CSMD2: variants seen among roughly 807,000 people sequenced by gnomAD.
CSMD2 encodes the protein CUB and sushi domain-containing protein 2.
CSMD2 carries 130 observed loss-of-function variants against 398.5 expected under a neutral mutation model. The ratio of observed to expected loss-of-function variants is 0.33; its 90% CI spans 0.28 to 0.38. The LOEUF is 0.38. CSMD2 is among the 10% of genes least tolerant of loss of function. The probability of loss-of-function intolerance (pLI) is 1.00; values close to 1 mark genes in which losing one functional copy is unlikely to be tolerated. For missense variants in CSMD2, 3,829 were observed against 4,764.9 expected, an observed-to-expected ratio of 0.80 and a Z score of 5.78; for synonymous variants, 1,828 against 1,908.5, an observed-to-expected ratio of 0.96 and a Z score of 1.10.
At chr1:33,844,314 T>C (rs1215119932) in intron 6 of CSMD2, among the ~76,000 whole-genome samples, 1 of 152,026 alleles carries the variant, frequency 6.6e-6, no homozygotes, top group African/African-American at 2.4e-5. Context: ...TGGCTGCTGG[T>C]CCCTGTGGCT....
intron 22 of CSMD2, among the ~76,000 whole-genome samples, chr1:33,704,163 T>C (rs1179576832): frequency 1.3e-5 from 2 of 152,242 alleles, no homozygotes; most frequent in Admixed American, 6.5e-5. Context: ...TCCCTCCTGA[T>C]TGCAAGTTTT....
intron 3 of CSMD2, among the ~76,000 whole-genome samples, chr1:34,021,554 C>T (rs1042596636): frequency 1.3e-5 from 2 of 152,316 alleles, no homozygotes; most frequent in East Asian, 1.9e-4. Flanking sequence ...CTCTGGGCCC[C>T]CCTGCCTTGA....
chr1:33,765,847 C>T (rs1650418517), intron 13 of CSMD2, among the ~76,000 whole-genome samples: 1 of 152,216 alleles, frequency 6.6e-6, no homozygotes, highest in African/African-American at 2.4e-5. Flanking sequence ...ACCTCAGTAG[C>T]CACATGTCAG....
At chr1:34,081,093 G>C (rs7551631) in intron 2 of CSMD2, among the ~76,000 whole-genome samples, 7 of 151,854 alleles carry the variant, frequency 4.6e-5, no homozygotes, top group Non-Finnish European at 1.0e-4. Flanking sequence ...TCAATAAAAT[G>C]GGTGATTTTA....
intron 3 of CSMD2, among the ~76,000 whole-genome samples, chr1:33,954,220 C>T (rs769064478): frequency 7.9e-5 from 12 of 152,016 alleles, no homozygotes; most frequent in Non-Finnish European, 1.5e-4. Flanking sequence ...AAACGAAGAC[C>T]GCAGAAATGA....
At chr1:33,843,434 C>A (rs6667890) in intron 6 of CSMD2, among the ~76,000 whole-genome samples, 7,258 of 152,220 alleles carry the variant, frequency 0.048, 528 homozygotes, top group African/African-American at 0.16. Flanking sequence ...GGGAAAAAAT[C>A]TCTGTCAATA....
chr1:33,650,210 GGGA>G (rs1643679799), intron 28 of CSMD2, among the ~76,000 whole-genome samples: 1 of 152,174 alleles, frequency 6.6e-6, no homozygotes, highest in African/African-American at 2.4e-5. Flanking sequence ...CAAGGACATG[GGGA>G]CATGTAAGAC....
intron 12 of CSMD2, among the ~76,000 whole-genome samples, chr1:33,780,246 G>C (rs1311036210): frequency 6.6e-6 from 1 of 152,162 alleles, no homozygotes; most frequent in African/African-American, 2.4e-5. Context: ...TGAGTGACCA[G>C]GACATCTTCG....
intron 40 of CSMD2, 32 bp from the exon 41 acceptor site, chr1:33,611,282 A>G (rs1640987369): frequency 2.5e-6 from 4 of 1,575,056 alleles, no homozygotes; most frequent in South Asian, 2.2e-5. Context: ...ACAGTGCCCA[A>G]AGCAACACAG....
At chr1:33,967,746 A>G (rs1243967915) in intron 3 of CSMD2, among the ~76,000 whole-genome samples, 1 of 152,230 alleles carries the variant, frequency 6.6e-6, no homozygotes, top group Non-Finnish European at 1.5e-5. Context: ...GTCTCTGAGA[A>G]GAGCCCAGAT....
intron 1 of CSMD2, among the ~76,000 whole-genome samples, chr1:34,135,718 C>T (rs182461111): frequency 6.7e-5 from 10 of 149,572 alleles, no homozygotes; most frequent in Admixed American, 2.7e-4. Context: ...AATCTATGTA[C>T]ACCTACCCAG....
intron 1 of CSMD2, among the ~76,000 whole-genome samples, chr1:34,095,932 C>T (rs1659243289): frequency 6.6e-6 from 1 of 152,056 alleles, no homozygotes; most frequent in Non-Finnish European, 1.5e-5. Flanking sequence ...CATTCTGATA[C>T]CAAAGCTGGG....
chr1:33,903,396 G>C (rs1642880669), intron 5 of CSMD2, among the ~76,000 whole-genome samples: 1 of 150,314 alleles, frequency 6.7e-6, no homozygotes, highest in Non-Finnish European at 1.5e-5. Context: ...TTCTAGCACT[G>C]ATCAGCCCGC....
intron 3 of CSMD2, among the ~76,000 whole-genome samples, chr1:34,006,383 A>T (rs527449566): frequency 6.6e-6 from 1 of 152,242 alleles, no homozygotes; most frequent in Admixed American, 6.5e-5. Context: ...TAGAGCCGCC[A>T]ATAGATCAAC....
intron 55 of CSMD2, 81 bp downstream of exon 55, chr1:33,557,653 C>CACACACACAT (rs1570726414): frequency 8.6e-7 from 1 of 1,156,904 alleles, no homozygotes; most frequent in Non-Finnish European, 1.2e-6. Flanking sequence ...CACACACACA[C>CACACACACAT]ACACACATGC....
rs191934158 is a variant in CSMD2 at position 33,878,825 on chromosome 1, G to A, written c.921-31829C>T. On this transcript the variant is annotated intron_variant, in intron 5 of 70. Transcript: ENST00000373381. ...AACTCAGATAACTCCCACTGTTTAT[G>A]GGACAGCCCTGGGGAGGGGGACAGG... is the stretch of plus-strand genomic sequence containing the variant. Among the ~76,000 whole-genome samples the A allele has an allele frequency of 5.2e-3, 787 of 152,326 alleles. 4 individuals are homozygous for A. The highest frequency in any genetic ancestry group is 7.5e-3 in the Non-Finnish European group (507 of 68,028).
At position 33,515,846 on chromosome 1, in the gene CSMD2, C is replaced by T. The variant is rs1476645080; in HGVS notation, c.*778G>A. ...TGGCCAGACTCCTGCCCTATCCTCC[C>T]CGGCTCTCCCTTCTTTCCCAGTGCT... On this transcript the variant is annotated 3_prime_UTR_variant, in exon 71 of 71. Transcript: ENST00000373381. The T allele has an allele frequency of 6.6e-6, 1 of 152,266 alleles. No homozygotes were observed. The highest frequency in any genetic ancestry group is 1.5e-5 in the Non-Finnish European group (1 of 68,130). 9.4% of individuals were successfully genotyped at this position (152,266 alleles called of 1,614,324 possible).
intron 5 of CSMD2, among the ~76,000 whole-genome samples, chr1:33,858,555 T>C (rs1226321025): frequency 6.6e-6 from 1 of 152,222 alleles, no homozygotes; most frequent in Non-Finnish European, 1.5e-5. Context: ...AGAGATGATG[T>C]ACCCAAAGTA....
At chr1:33,549,619 T>C (rs549813159) in intron 56 of CSMD2, among the ~76,000 whole-genome samples, 5 of 152,284 alleles carry the variant, frequency 3.3e-5, no homozygotes, top group African/African-American at 1.2e-4. Context: ...AGGAAAAGTC[T>C]GGGGACTGGC....
Sources: gnomAD v4.1 joint callset for allele counts (sites outside exome capture counted in the v4.1 genomes callset) on GRCh38, gnomAD v4.1.1 for gene constraint, MANE v1.5 for transcripts, NCBI Gene and HGNC (gene_info 2026-07-23, HGNC 2026-07-21) for gene names.